ZNF385D: variants seen among roughly 807,000 people sequenced by gnomAD.
ZNF385D encodes zinc finger protein 385D, also known as zinc finger protein 659.
ZNF385D carries 15 observed loss-of-function variants against 35.8 expected under a neutral mutation model. The observed-to-expected ratio is 0.42, with a 90% confidence interval of 0.28 to 0.64. The LOEUF (loss-of-function observed/expected upper bound fraction) is 0.64. Ranked by LOEUF, ZNF385D falls within the 30% of genes least tolerant of loss-of-function variation. ZNF385D has a pLI of 0.23. For synonymous variants in ZNF385D, 212 were observed against 186.8 expected, an observed-to-expected ratio of 1.13 and a Z score of -1.10; for missense variants, 474 against 494.6, an observed-to-expected ratio of 0.96 and a Z score of 0.39.
chr3:21,901,244 TG>T (rs1380364511), intron 3 of ZNF385D, among the ~76,000 whole-genome samples: 1 of 152,224 alleles, frequency 6.6e-6, no homozygotes, highest in Admixed American at 6.5e-5. Flanking sequence ...CCCAAAGTGC[TG>T]GGATTACAGG....
intron 3 of ZNF385D, among the ~76,000 whole-genome samples, chr3:21,974,721 A>G (rs913627093): frequency 1.3e-5 from 2 of 152,122 alleles, no homozygotes; most frequent in African/African-American, 4.8e-5. Context: ...AGACAACTCA[A>G]TAAGAAAAAA....
chr3:21,872,870 T>C (rs1185299604), intron 3 of ZNF385D, among the ~76,000 whole-genome samples: 1 of 152,152 alleles, frequency 6.6e-6, no homozygotes, highest in Non-Finnish European at 1.5e-5. Flanking sequence ...GTTGATAATG[T>C]TACCATTAAT....
At chr3:22,133,919 A>T (rs1703952605) in intron 3 of ZNF385D, 1 of 151,962 alleles carries the variant, frequency 6.6e-6, no homozygotes, top group Non-Finnish European at 1.5e-5. Context: ...AAAAAAAACA[A>T]CCTCTTTTTG....
At chr3:22,071,072 G>A (rs1700207321) in intron 3 of ZNF385D, among the ~76,000 whole-genome samples, 1 of 152,086 alleles carries the variant, frequency 6.6e-6, no homozygotes, top group Admixed American at 6.6e-5. Flanking sequence ...GAAATAGAAA[G>A]GTAACATGAT....
intron 3 of ZNF385D, among the ~76,000 whole-genome samples, chr3:21,757,051 G>A (rs9819548): frequency 0.68 from 102,519 of 150,396 alleles, 35,967 homozygotes; most frequent in East Asian, 0.9. Flanking sequence ...AAGAATAAAA[G>A]TTCTAAAAAT....
At chr3:21,504,493 A>G (rs894188550) in intron 4 of ZNF385D, among the ~76,000 whole-genome samples, 3 of 152,174 alleles carry the variant, frequency 2.0e-5, no homozygotes, top group Non-Finnish European at 4.4e-5. Flanking sequence ...CTCTTGACTT[A>G]CTATCTTTTA....
chr3:22,067,236 T>TTA (rs1264055413), intron 3 of ZNF385D, among the ~76,000 whole-genome samples: 1 of 152,342 alleles, frequency 6.6e-6, no homozygotes, highest in East Asian at 1.9e-4. Flanking sequence ...TTCTTTTCTT[T>TTA]TATGACTGGA....
chr3:22,161,874 A>G (rs1039968758), intron 3 of ZNF385D, among the ~76,000 whole-genome samples: 20 of 152,210 alleles, frequency 1.3e-4, no homozygotes, highest in Admixed American at 9.8e-4. Context: ...ACAGTAGAAT[A>G]TAAGTTTGCC....
chr3:22,126,770 A>G (rs1576364590), intron 3 of ZNF385D, among the ~76,000 whole-genome samples: 1 of 152,140 alleles, frequency 6.6e-6, no homozygotes, highest in Non-Finnish European at 1.5e-5. Flanking sequence ...CCCAATGCTG[A>G]AAGTGGAATG....
intron 2 of ZNF385D, among the ~76,000 whole-genome samples, chr3:22,247,827 TCTC>T (rs1699867578): frequency 1.3e-5 from 2 of 151,672 alleles, no homozygotes; most frequent in Admixed American, 1.3e-4. Flanking sequence ...ATGGTGTTCA[TCTC>T]CTGAGCTTAT....
chr3:22,066,219 AAG>A (rs1223315953), intron 3 of ZNF385D, among the ~76,000 whole-genome samples: 1 of 152,130 alleles, frequency 6.6e-6, no homozygotes, highest in African/African-American at 2.4e-5. Context: ...CAGAAAAGAA[AAG>A]AGAGACTGCT....
chr3:21,720,617 G>C (rs2068501742), intron 1 of ZNF385D, among the ~76,000 whole-genome samples: 1 of 152,214 alleles, frequency 6.6e-6, no homozygotes, highest in Non-Finnish European at 1.5e-5. Context: ...AAAGCTCTGG[G>C]AGTGAGGCCC....
At chr3:22,041,093 C>T (rs975953362) in intron 3 of ZNF385D, among the ~76,000 whole-genome samples, 1 of 152,046 alleles carries the variant, frequency 6.6e-6, no homozygotes, top group African/African-American at 2.4e-5. Flanking sequence ...GGTCAGTTCT[C>T]CCGCTCTGTC....
At chr3:22,268,282 A>G (rs866209570) in intron 2 of ZNF385D, among the ~76,000 whole-genome samples, 1 of 151,998 alleles carries the variant, frequency 6.6e-6, no homozygotes, top group Non-Finnish European at 1.5e-5. Flanking sequence ...ATATTTATCC[A>G]CTAATATTTA....
chr3:22,274,716 A>C (rs1701340385), intron 2 of ZNF385D, among the ~76,000 whole-genome samples: 1 of 151,942 alleles, frequency 6.6e-6, no homozygotes, highest in Non-Finnish European at 1.5e-5. Flanking sequence ...TCTGCACTTA[A>C]GATAATCTTT....
chr3:21,975,998 T>C (rs992827673), intron 3 of ZNF385D, among the ~76,000 whole-genome samples: 3 of 152,068 alleles, frequency 2.0e-5, no homozygotes, highest in Admixed American at 6.6e-5. Flanking sequence ...ACCAGACTTC[T>C]ACTTCAGAGC....
At chr3:21,897,862 C>A (rs1162284632) in intron 3 of ZNF385D, among the ~76,000 whole-genome samples, 1 of 152,018 alleles carries the variant, frequency 6.6e-6, no homozygotes, top group Non-Finnish European at 1.5e-5. Flanking sequence ...TAGTGTGTAT[C>A]GAAAAGAAGA....
At position 21,537,774 on chromosome 3, in the gene ZNF385D, G is replaced by T. The variant is rs528055189; in HGVS notation, c.277-26751C>A. Among the ~76,000 whole-genome samples the T allele has an allele frequency of 3.4e-4, 51 of 152,174 alleles. 4 individuals are homozygous for T. The South Asian group carries it at 0.011, about 32-fold the overall frequency. The stretch of plus-strand genomic sequence containing the variant: ...CCCAGAGGCCATGTTTCATAGAGCT[G>T]CGTGGCCTATGAAATCTAAGGATTT... On this transcript the variant is annotated intron_variant, in intron 3 of 7. Transcript: ENST00000281523.
intron 3 of ZNF385D, among the ~76,000 whole-genome samples, chr3:21,551,547 C>T (rs1286242808): frequency 6.6e-6 from 1 of 152,192 alleles, no homozygotes; most frequent in Non-Finnish European, 1.5e-5. Flanking sequence ...TATCCATTCT[C>T]TACTTCACTT....
Sources: allele counts gnomAD v4.1 joint callset (sites outside exome capture counted in the v4.1 genomes callset), GRCh38; gene constraint gnomAD v4.1.1; transcripts MANE v1.5; gene names NCBI Gene and HGNC (gene_info 2026-07-23, HGNC 2026-07-21).